Variants in ZFHX3 observed in about 807,000 individuals in gnomAD.
ZFHX3 encodes the protein zinc finger homeobox 3.
A neutral mutation model predicts 279.1 loss-of-function variants in ZFHX3; 42 were observed. That is an observed-to-expected ratio of 0.15 (90% CI 0.12 to 0.19). ZFHX3 has a LOEUF of 0.19. Among genes scored for constraint, ZFHX3 ranks in the 10% least tolerant of loss-of-function variants. The pLI, the probability that ZFHX3 is intolerant of heterozygous loss-of-function variation, is 1.00. For synonymous variants in ZFHX3, 2,293 were observed against 1,957.8 expected (o/e 1.17, Z -4.52); for missense variants, 4,981 against 4,754.0 (o/e 1.05, Z -1.40).
chr16:72,917,541 G>A lies in ZFHX3; in HGVS notation c.3217-27579C>T, dbSNP rs938519352. Among the ~76,000 whole-genome samples, 21 of 152,290 alleles carry A rather than the reference G, an allele frequency of 1.4e-4. No individual in the cohort carries two copies. In the South Asian group the frequency reaches 3.9e-3, roughly 29 times the overall value. On this transcript the variant is annotated intron_variant, in intron 3 of 9. Coordinates refer to ENST00000268489, the MANE Select transcript of ZFHX3 (RefSeq NM_006885.4). ...CTAAATTGCAGCACCTTCATACCAC[G>A]GGGTGTTTGGTGCAGCTATCAAAAA...
At chr16:73,557,060 A>G (rs1480442015) in intron 2 of ZFHX3, among the ~76,000 whole-genome samples, 1 of 128,494 alleles carries the variant, frequency 7.8e-6, no homozygotes, top group Non-Finnish European at 1.6e-5. Context: ...AGGCCACTGC[A>G]CTCCACCCTG....
At position 73,578,341 on chromosome 16, in the gene ZFHX3, A is replaced by G. The variant is rs144923705; in HGVS notation, c.-1547+101839T>C. ...CATTAGAGATGTCTTTAGAGATCGT[A>G]TATGGTCTAGGGCTTTTGCTCAAGT... On this transcript the variant is annotated intron_variant, in intron 2 of 17. Coordinates refer to the ZFHX3 transcript ENST00000641206. 6.3e-3 allele frequency among the ~76,000 whole-genome samples: 956 copies of G among 151,636 alleles called. 6 individuals carry two copies. Among genetic ancestry groups the G allele is most frequent in the Middle Eastern group, 0.021 (6 of 292 alleles).
intron 3 of ZFHX3, among the ~76,000 whole-genome samples, chr16:73,395,667 C>G (rs2017112632): frequency 6.6e-6 from 1 of 151,956 alleles, no homozygotes; most frequent in Admixed American, 6.6e-5. Flanking sequence ...TATTAAAGCC[C>G]CTATATGGCT....
At chr16:73,681,718 T>G (rs2053011855) in intron 1 of ZFHX3, among the ~76,000 whole-genome samples, 1 of 152,232 alleles carries the variant, frequency 6.6e-6, no homozygotes, top group South Asian at 2.1e-4. Context: ...TGTGCTTCCA[T>G]GTGCAAACTG....
At chr16:73,806,728 C>G (rs1476817274) in intron 1 of ZFHX3, among the ~76,000 whole-genome samples, 1 of 152,188 alleles carries the variant, frequency 6.6e-6, no homozygotes, top group African/African-American at 2.4e-5. Context: ...CATTTAACAG[C>G]CTTTATGCAA....
In ZFHX3 at chr16:73,627,102, T is replaced by G. The variant is rs79120275; in HGVS notation, c.-1547+53078A>C. Among the ~76,000 whole-genome samples, 587 of 152,280 alleles carry G rather than the reference T, an allele frequency of 3.9e-3. 6 individuals carry two copies. The highest frequency in any genetic ancestry group is 0.013 in the African/African-American group (545 of 41,566). ...TATGCAAAGTTTTGAAGGAGATAGATTTTTCCTATTATCTTCCAAGTTAGA... is the reference window on the plus strand; with the variant it reads ...TATGCAAAGTTTTGAAGGAGATAGAGTTTTCCTATTATCTTCCAAGTTAGA... On this transcript the variant is annotated intron_variant, in intron 2 of 17. Transcript: ENST00000641206.
chr16:73,701,161 T>G (rs956202492), intron 1 of ZFHX3, among the ~76,000 whole-genome samples: 1 of 152,230 alleles, frequency 6.6e-6, no homozygotes, highest in African/African-American at 2.4e-5. Context: ...TCCACCTTCA[T>G]GAGCATAAGC....
At chr16:73,472,157 T>A (rs149748816) in intron 2 of ZFHX3, among the ~76,000 whole-genome samples, 1 of 151,880 alleles carries the variant, frequency 6.6e-6, no homozygotes, top group Non-Finnish European at 1.5e-5. Flanking sequence ...CCAAGTTCCT[T>A]ATTTTACAGA....
chr16:73,186,943 G>A (rs1967923732), intron 5 of ZFHX3, among the ~76,000 whole-genome samples: 1 of 152,150 alleles, frequency 6.6e-6, no homozygotes, highest in Non-Finnish European at 1.5e-5. Flanking sequence ...TACTGAAACG[G>A]GAAACTATTT....
At chr16:73,383,480 G>A (rs2016849174) in intron 3 of ZFHX3, among the ~76,000 whole-genome samples, 1 of 152,204 alleles carries the variant, frequency 6.6e-6, no homozygotes. Context: ...GGAGAAAAAT[G>A]AAAGAACGCA....
At chr16:73,438,059 GT>G (rs772238825) in intron 3 of ZFHX3, among the ~76,000 whole-genome samples, 58 of 151,828 alleles carry the variant, frequency 3.8e-4, no homozygotes, top group Admixed American at 1.4e-3. Context: ...AAGTCAAGTG[GT>G]TCTGGGATCG....
intron 4 of ZFHX3, among the ~76,000 whole-genome samples, chr16:73,305,759 A>G (rs914660917): frequency 2.6e-5 from 4 of 152,236 alleles, no homozygotes; most frequent in African/African-American, 9.6e-5. Flanking sequence ...TGCCCAGGAA[A>G]GGAAGAAAGA....
chr16:73,118,460 C>T (rs934358937), intron 7 of ZFHX3, among the ~76,000 whole-genome samples: 6 of 152,106 alleles, frequency 3.9e-5, no homozygotes, highest in South Asian at 2.1e-4. Flanking sequence ...CTACCTGCCC[C>T]GCCTCCCAAA....
chr16:73,104,809 C>A (rs116159262), intron 7 of ZFHX3, among the ~76,000 whole-genome samples: 2 of 152,192 alleles, frequency 1.3e-5, no homozygotes, highest in Admixed American at 1.3e-4. Context: ...TCCTTGGCCA[C>A]TCCTTCAACC....
intron 4 of ZFHX3, among the ~76,000 whole-genome samples, chr16:72,864,253 C>A (rs1256381014): frequency 6.6e-6 from 1 of 152,156 alleles, no homozygotes; most frequent in Non-Finnish European, 1.5e-5. Flanking sequence ...TCCTCATAAA[C>A]CCTTCTTGAT....
At chr16:72,922,703 T>C (rs2039613760) in intron 3 of ZFHX3, among the ~76,000 whole-genome samples, 1 of 152,182 alleles carries the variant, frequency 6.6e-6, no homozygotes, top group East Asian at 1.9e-4. Flanking sequence ...CCTTGTGTGA[T>C]CAAAAATGAA....
chr16:72,831,120 CT>C (rs1259849229), intron 4 of ZFHX3, among the ~76,000 whole-genome samples: 2 of 152,176 alleles, frequency 1.3e-5, no homozygotes, highest in African/African-American at 4.8e-5. Flanking sequence ...AATGTCATGC[CT>C]TCTGACTGTC....
In ZFHX3 at chr16:73,235,223, C is replaced by T. The variant is rs563421604; in HGVS notation, c.-1104+21824G>A. Among the ~76,000 whole-genome samples the T allele has an allele frequency of 2.0e-3, 298 of 152,166 alleles. 2 individuals carry two copies. The highest frequency in any genetic ancestry group is 2.0e-3 in the Admixed American group (31 of 15,280). On this transcript the variant is annotated intron_variant, in intron 5 of 17. Coordinates refer to the ZFHX3 transcript ENST00000641206. The stretch of plus-strand genomic sequence containing the variant: ...TAGCTGGGATTACAGGTGCCCACCA[C>T]CACGCCTGGCAAATCTTTTGTATTT...
intron 5 of ZFHX3, among the ~76,000 whole-genome samples, chr16:72,823,409 T>C (rs973498555): frequency 2.0e-5 from 3 of 152,228 alleles, no homozygotes; most frequent in African/African-American, 7.2e-5. Context: ...GGTTGGGATA[T>C]GAGTGGCCAC....
Sources: allele counts gnomAD v4.1 joint callset (sites outside exome capture counted in the v4.1 genomes callset), GRCh38; gene constraint gnomAD v4.1.1; transcripts MANE v1.5; gene names NCBI Gene and HGNC (gene_info 2026-07-23, HGNC 2026-07-21).